The following SGCZ variants were observed in gnomAD, a reference collection of about 807,000 sequenced individuals.
SGCZ encodes sarcoglycan zeta.
A neutral mutation model predicts 41.3 loss-of-function variants in SGCZ; 40 were observed. That is an observed-to-expected ratio of 0.97 (90% CI 0.75 to 1.26). SGCZ has a LOEUF of 1.26. Among genes scored for constraint, SGCZ ranks in the 50% most tolerant of loss-of-function variants. The pLI, the probability that SGCZ is intolerant of heterozygous loss-of-function variation, is 0.00. For missense variants in SGCZ, 552 were observed against 369.8 expected (o/e 1.49, Z -4.04); for synonymous variants, 206 against 137.5 (o/e 1.50, Z -3.49).
At chr8:14,127,791 G>A (rs1363634131) in intron 5 of SGCZ, among the ~76,000 whole-genome samples, 1 of 152,052 alleles carries the variant, frequency 6.6e-6, no homozygotes, top group Non-Finnish European at 1.5e-5. Context: ...TTTATAATTG[G>A]AGATACATGT....
chr8:15,055,364 A>G (rs976349112), intron 1 of SGCZ, among the ~76,000 whole-genome samples: 1 of 152,168 alleles, frequency 6.6e-6, no homozygotes, highest in African/African-American at 2.4e-5. Context: ...TCTTTTTGTT[A>G]TCCTTTCATA....
intron 2 of SGCZ, among the ~76,000 whole-genome samples, chr8:14,427,228 T>C (rs573344350): frequency 6.6e-6 from 1 of 152,198 alleles, no homozygotes; most frequent in East Asian, 1.9e-4. Context: ...AAATAACTAA[T>C]GACTACTAGC....
chr8:14,717,581 G>T lies in SGCZ; in HGVS notation c.40-162655C>A, dbSNP rs60432380. On this transcript the variant is annotated intron_variant, in intron 1 of 7. Transcript: ENST00000382080. The stretch of plus-strand genomic sequence containing the variant: ...AGTCGTCTTGGGGACAGCTTCATGG[G>T]TATGCAAACTGTACGGAGCATAAAG... Among the ~76,000 whole-genome samples the T allele has an allele frequency of 2.0e-5, 3 of 151,968 alleles. No homozygotes were observed. In the South Asian group the frequency reaches 6.2e-4, roughly 32 times the overall value.
chr8:14,335,129 C>T (rs540763389), intron 2 of SGCZ, among the ~76,000 whole-genome samples: 1 of 152,214 alleles, frequency 6.6e-6, no homozygotes, highest in African/African-American at 2.4e-5. Flanking sequence ...CGCTGGGTTG[C>T]TTTATGGTTC....
At chr8:14,665,094 G>T (rs1807865969) in intron 1 of SGCZ, among the ~76,000 whole-genome samples, 1 of 152,254 alleles carries the variant, frequency 6.6e-6, no homozygotes, top group East Asian at 1.9e-4. Context: ...TACATGCCAT[G>T]TTGGTGTGCT....
At chr8:14,989,182 GAA>G (rs1358947520) in intron 1 of SGCZ, among the ~76,000 whole-genome samples, 1 of 152,124 alleles carries the variant, frequency 6.6e-6, no homozygotes, top group African/African-American at 2.4e-5. Context: ...GTGGTAACTT[GAA>G]AGACACAAAA....
At chr8:15,008,011 T>C (rs182199575) in intron 1 of SGCZ, among the ~76,000 whole-genome samples, 49 of 152,350 alleles carry the variant, frequency 3.2e-4, no homozygotes, top group Non-Finnish European at 6.0e-4. Flanking sequence ...AAGTCAATTC[T>C]AACTTGATAA....
chr8:14,635,771 C>A (rs956882571), intron 1 of SGCZ, among the ~76,000 whole-genome samples: 4 of 151,742 alleles, frequency 2.6e-5, no homozygotes, highest in African/African-American at 9.7e-5. Context: ...CACAGAGGGT[C>A]TTAGAACATA....
chr8:14,527,173 G>C (rs1187895118), intron 2 of SGCZ, among the ~76,000 whole-genome samples: 1 of 152,062 alleles, frequency 6.6e-6, no homozygotes. Context: ...ATGCAAATCA[G>C]ACTAGAAAAG....
chr8:14,549,004 G>C (rs771057887), intron 2 of SGCZ, among the ~76,000 whole-genome samples: 4 of 152,084 alleles, frequency 2.6e-5, no homozygotes, highest in African/African-American at 7.2e-5. Flanking sequence ...TTCTAGAGGG[G>C]TTGTAAAGAA....
intron 1 of SGCZ, among the ~76,000 whole-genome samples, chr8:14,956,064 G>A (rs1800782963): frequency 7.7e-6 from 1 of 130,296 alleles, no homozygotes. Context: ...TTTTTGAGAC[G>A]GAGTTTCATT....
intron 1 of SGCZ, among the ~76,000 whole-genome samples, chr8:15,006,812 A>T (rs897883485): frequency 6.6e-6 from 1 of 152,188 alleles, no homozygotes; most frequent in African/African-American, 2.4e-5. Flanking sequence ...TGCATTCGAC[A>T]AGATTATTAA....
At chr8:14,976,849 C>T (rs994226923) in intron 1 of SGCZ, among the ~76,000 whole-genome samples, 3 of 152,068 alleles carry the variant, frequency 2.0e-5, no homozygotes, top group Admixed American at 6.6e-5. Flanking sequence ...GTAGATAGGC[C>T]AAGTTCAGCA....
At chr8:15,019,409 A>G (rs367752463) in intron 1 of SGCZ, among the ~76,000 whole-genome samples, 1 of 152,220 alleles carries the variant, frequency 6.6e-6, no homozygotes, top group African/African-American at 2.4e-5. Context: ...ATGAAACAGG[A>G]TATGTTAGGC....
At position 14,565,005 on chromosome 8, in the gene SGCZ, A is replaced by G. The variant is rs188738795; in HGVS notation, c.40-10079T>C. ...GGAAAATGCTGTAGTCAGGTTTTGC[A>G]GCACGGAAAAGAAGCAACCTAGCAA... On this transcript the variant is annotated intron_variant, in intron 1 of 7. Coordinates refer to ENST00000382080, the MANE Select transcript of SGCZ (RefSeq NM_139167.4). 2.0e-4 allele frequency among the ~76,000 whole-genome samples: 30 copies of G among 152,122 alleles called. No homozygotes were observed. In the East Asian group the frequency reaches 5.4e-3, roughly 28 times the overall value.
chr8:14,719,635 G>T, intron 1 of SGCZ, among the ~76,000 whole-genome samples: 1 of 151,880 alleles, frequency 6.6e-6, no homozygotes, highest in East Asian at 1.9e-4. Flanking sequence ...TGTGTTTTTT[G>T]ACTGCATAAA....
intron 1 of SGCZ, among the ~76,000 whole-genome samples, chr8:14,987,429 A>C (rs1397453046): frequency 1.3e-5 from 2 of 152,020 alleles, no homozygotes; most frequent in Non-Finnish European, 2.9e-5. Flanking sequence ...TGCATTTTAT[A>C]GTATCAGTTT....
At chr8:14,840,011 C>A (rs912084361) in intron 1 of SGCZ, among the ~76,000 whole-genome samples, 1 of 151,888 alleles carries the variant, frequency 6.6e-6, no homozygotes, top group African/African-American at 2.4e-5. Flanking sequence ...TGTTTTTACA[C>A]CACTTTACAC....
chr8:14,646,196 G>C (rs1347617053), intron 1 of SGCZ, among the ~76,000 whole-genome samples: 3 of 151,456 alleles, frequency 2.0e-5, no homozygotes, highest in African/African-American at 7.3e-5. Context: ...TCAGCTTACT[G>C]CTCCTGACTC....
Sources: gnomAD v4.1 joint callset for allele counts (sites outside exome capture counted in the v4.1 genomes callset) on GRCh38, gnomAD v4.1.1 for gene constraint, MANE v1.5 for transcripts, NCBI Gene and HGNC (gene_info 2026-07-23, HGNC 2026-07-21) for gene names.